Variants in MAGI2 observed in about 807,000 individuals in gnomAD.
The protein encoded by MAGI2 is membrane associated guanylate kinase, WW and PDZ domain containing 2, also known as membrane-associated guanylate kinase, WW and PDZ domain-containing protein 2.
A neutral mutation model predicts 133.3 loss-of-function variants in MAGI2; 35 were observed. The observed-to-expected ratio is 0.26, with a 90% CI of 0.20 to 0.35. The LOEUF (loss-of-function observed/expected upper bound fraction) is 0.35. Ranked by LOEUF, MAGI2 falls within the 10% of genes least tolerant of loss-of-function variation. MAGI2 has a pLI of 1.00. For synonymous variants in MAGI2, 729 were observed against 710.6 expected (o/e 1.03, Z -0.41); for missense variants, 1,636 against 1,863.4 (o/e 0.88, Z 2.25).
chr7:78,987,999 T>C (rs891641302), intron 2 of MAGI2, among the ~76,000 whole-genome samples: 2 of 152,082 alleles, frequency 1.3e-5, no homozygotes, highest in Non-Finnish European at 1.5e-5. Flanking sequence ...TGCTGTTCTA[T>C]GCAGTGATAT....
chr7:79,135,697 G>C (rs577292889), intron 1 of MAGI2, among the ~76,000 whole-genome samples: 9 of 152,152 alleles, frequency 5.9e-5, no homozygotes, highest in African/African-American at 2.2e-4. Context: ...AGCATTTTGG[G>C]AGGCTGAGGT....
At chr7:78,085,575 C>CCG (rs1816549198) in intron 20 of MAGI2, among the ~76,000 whole-genome samples, 1 of 143,294 alleles carries the variant, frequency 7.0e-6, no homozygotes, top group African/African-American at 2.9e-5. Context: ...CACACACACA[C>CCG]ACACACAAAC....
intron 1 of MAGI2, among the ~76,000 whole-genome samples, chr7:79,313,639 A>G (rs1050157017): frequency 2.0e-4 from 31 of 152,158 alleles, no homozygotes; most frequent in African/African-American, 6.8e-4. Flanking sequence ...AAGGAGAGCC[A>G]ATTCTATTTG....
intron 1 of MAGI2, among the ~76,000 whole-genome samples, chr7:79,281,248 T>C (rs1010712306): frequency 6.6e-6 from 1 of 152,164 alleles, no homozygotes; most frequent in Non-Finnish European, 1.5e-5. Flanking sequence ...ATGAGAACCA[T>C]GTGAAGGCTG....
Position 78,226,766 on chromosome 7 carries a change from T to C in MAGI2, c.2048-25573A>G, listed in dbSNP as rs538706700. On this transcript the variant is annotated intron_variant, in intron 10 of 21. Transcript: ENST00000354212. ...ATATGTACGTATTTCTCTGTGAGGC[T>C]TATGAACATATAAATGGCTTCTCAA... 1.6e-4 allele frequency among the ~76,000 whole-genome samples: 25 copies of C among 152,344 alleles called. No individual in the cohort carries two copies. In the South Asian group the frequency reaches 4.8e-3, roughly 29 times the overall value.
chr7:78,140,104 TC>T (rs756750257), intron 16 of MAGI2, among the ~76,000 whole-genome samples: 12 of 152,150 alleles, frequency 7.9e-5, no homozygotes, highest in Non-Finnish European at 1.3e-4. Context: ...TATAGTCTAC[TC>T]CGGCTCCTTC....
intron 2 of MAGI2, among the ~76,000 whole-genome samples, chr7:78,669,090 T>C (rs1010042859): frequency 2.0e-5 from 3 of 151,902 alleles, no homozygotes; most frequent in East Asian, 3.9e-4. Context: ...CTGAAGCAAA[T>C]AGAGACACAA....
intron 2 of MAGI2, among the ~76,000 whole-genome samples, chr7:78,793,849 A>C (rs1420414580): frequency 6.6e-6 from 1 of 152,204 alleles, no homozygotes; most frequent in Non-Finnish European, 1.5e-5. Flanking sequence ...TATCTCATGT[A>C]CTTCTTGCTT....
intron 6 of MAGI2, among the ~76,000 whole-genome samples, chr7:78,446,093 ATT>A (rs74978868): frequency 4.0e-5 from 6 of 150,020 alleles, no homozygotes; most frequent in African/African-American, 9.8e-5. Flanking sequence ...CTTTTTAAAG[ATT>A]TTTTTTTAAA....
chr7:78,104,783 C>T (rs1182632869), intron 20 of MAGI2, among the ~76,000 whole-genome samples: 1 of 152,198 alleles, frequency 6.6e-6, no homozygotes, highest in Non-Finnish European at 1.5e-5. Flanking sequence ...CCTCTCATCT[C>T]CCACTCCCAC....
intron 21 of MAGI2, among the ~76,000 whole-genome samples, chr7:78,039,067 G>C (rs1810532286): frequency 6.6e-6 from 1 of 152,046 alleles, no homozygotes; most frequent in African/African-American, 2.4e-5. Context: ...AGTTGCTGTT[G>C]TTATAAAGAA....
chr7:79,322,710 C>T (rs997995088), intron 1 of MAGI2, among the ~76,000 whole-genome samples: 13 of 150,700 alleles, frequency 8.6e-5, no homozygotes, highest in Non-Finnish European at 1.3e-4. Context: ...CGCTTGAACC[C>T]GGGAGGCAGA....
At chr7:79,424,559 C>G (rs982061575) in intron 1 of MAGI2, among the ~76,000 whole-genome samples, 4 of 151,992 alleles carry the variant, frequency 2.6e-5, no homozygotes, top group Non-Finnish European at 4.4e-5. Flanking sequence ...ATGTTAAGTG[C>G]TTTTGCCACA....
chr7:79,425,307 A>C (rs1009625115), intron 1 of MAGI2, among the ~76,000 whole-genome samples: 1 of 151,378 alleles, frequency 6.6e-6, no homozygotes, highest in Admixed American at 6.6e-5. Flanking sequence ...CCTTCCTGCT[A>C]TTTCAAATGT....
rs575932996 is a variant in MAGI2 at position 78,571,076 on chromosome 7, C to G, written c.539-49431G>C. Among the ~76,000 whole-genome samples the G allele has an allele frequency of 1.1e-3, 162 of 152,242 alleles. 1 individual carries two copies. Among genetic ancestry groups the G allele is most frequent in the African/African-American group, 3.6e-3 (151 of 41,554 alleles). On this transcript the variant is annotated intron_variant, in intron 3 of 21. Coordinates refer to ENST00000354212, the MANE Select transcript of MAGI2 (RefSeq NM_012301.4). ...GCTGGCTTTACAATCAGTGTTATCTCCTCGAAGTGAAATGCTCTCTGTCAT... is the reference window on the plus strand; with the variant it reads ...GCTGGCTTTACAATCAGTGTTATCTGCTCGAAGTGAAATGCTCTCTGTCAT...
intron 21 of MAGI2, among the ~76,000 whole-genome samples, chr7:78,055,376 T>G (rs983187211): frequency 7.2e-5 from 11 of 152,222 alleles, no homozygotes; most frequent in African/African-American, 2.7e-4. Flanking sequence ...CCAGTGAAGA[T>G]GAATGGAAAC....
chr7:78,910,903 T>C (rs1306188460), intron 2 of MAGI2, among the ~76,000 whole-genome samples: 4 of 152,206 alleles, frequency 2.6e-5, no homozygotes, highest in Admixed American at 2.6e-4. Flanking sequence ...CTGTTCTAAA[T>C]TCATTTCCTT....
chr7:79,298,477 G>C (rs983796688), intron 1 of MAGI2, among the ~76,000 whole-genome samples: 8 of 152,002 alleles, frequency 5.3e-5, no homozygotes, highest in African/African-American at 1.9e-4. Flanking sequence ...AAAAAAACCT[G>C]CCAGTGTTCT....
At chr7:78,404,857 G>T (rs1454770788) in intron 6 of MAGI2, among the ~76,000 whole-genome samples, 2 of 152,076 alleles carry the variant, frequency 1.3e-5, no homozygotes, top group African/African-American at 4.8e-5. Context: ...CACAGCAAAA[G>T]AAACTACCAT....
Sources: gnomAD v4.1 joint callset for allele counts (sites outside exome capture counted in the v4.1 genomes callset) on GRCh38, gnomAD v4.1.1 for gene constraint, MANE v1.5 for transcripts, NCBI Gene and HGNC (gene_info 2026-07-23, HGNC 2026-07-21) for gene names.